The following DPP8 variants were observed in gnomAD, a reference collection of about 807,000 sequenced individuals.
DPP8 encodes DPP VIII.
In DPP8, 31 loss-of-function variants were observed where a neutral mutation model predicts 107.5. That is an observed-to-expected ratio of 0.29 (90% confidence interval 0.22 to 0.39). The LOEUF (loss-of-function observed/expected upper bound fraction) is 0.39. Ranked by LOEUF, DPP8 falls within the 10% of genes least tolerant of loss-of-function variation. DPP8 has a pLI of 1.00. For missense variants in DPP8, 842 were observed against 1,076.1 expected, an observed-to-expected ratio of 0.78 and a Z score of 3.04; for synonymous variants, 381 against 356.6, an observed-to-expected ratio of 1.07 and a Z score of -0.77.
Position 65,445,257 on chromosome 15 carries a change from C to G in DPP8, c.*1627G>C, listed in dbSNP as rs1227299849. On this transcript the variant is annotated 3_prime_UTR_variant, in exon 20 of 20. Coordinates refer to ENST00000300141, the MANE Select transcript of DPP8 (RefSeq NM_130434.5). ...GAGGCTGTGCTCTCTATGGGGAAAT[C>G]TACTCTCTCTGTAGTGATGAGAAAG... 1 of 152,158 alleles carries G rather than the reference C, an allele frequency of 6.6e-6. No homozygotes were observed. Among genetic ancestry groups the G allele is most frequent in the Admixed American group, 6.5e-5 (1 of 15,272 alleles). 9.4% of individuals were successfully genotyped at this position (152,158 alleles called of 1,614,324 possible). A position where few individuals can be genotyped will look rare whatever the true frequency, so the allele number is the denominator to read the frequency against.
intron 5 of DPP8, 98 bp downstream of exon 5, chr15:65,497,766 G>A: frequency 1.0e-6 from 1 of 959,860 alleles, no homozygotes; most frequent in Non-Finnish European, 1.5e-6. Flanking sequence ...CAAATATAAA[G>A]ATCACCCAAC....
chr15:65,481,821 G>C (rs1299988112), intron 8 of DPP8, among the ~76,000 whole-genome samples: 2 of 151,996 alleles, frequency 1.3e-5, no homozygotes, highest in African/African-American at 2.4e-5. Flanking sequence ...AAAGTTATAA[G>C]CACTTTTAAC....
rs113358102 is a variant in DPP8, at chr15:65,514,173, GC to G, written c.-11-1610del. ...CCAAAGAACTGAATGAAGTGTGTGT[GC>G]AGCTTATTTTGTCTTTTTTCATGCT... On this transcript the variant is annotated intron_variant, in intron 1 of 19. Coordinates refer to ENST00000300141, the MANE Select transcript of DPP8 (RefSeq NM_130434.5). Among the ~76,000 whole-genome samples the G allele has an allele frequency of 2.7e-3, 404 of 152,292 alleles. 1 individual carries two copies. Among genetic ancestry groups the G allele is most frequent in the African/African-American group, 8.9e-3 (368 of 41,574 alleles).
At chr15:65,505,965 A>AG (rs61298948) in intron 3 of DPP8, among the ~76,000 whole-genome samples, 9 of 150,514 alleles carry the variant, frequency 6.0e-5, no homozygotes, top group Non-Finnish European at 1.3e-4. Context: ...AAAAAAAAAA[A>AG]GATTAGTTGT....
intron 7 of DPP8, among the ~76,000 whole-genome samples, chr15:65,485,561 A>AG (rs1266328551): frequency 6.6e-6 from 1 of 151,064 alleles, no homozygotes; most frequent in Non-Finnish European, 1.5e-5. Context: ...AAAAAAAAAA[A>AG]AAAGAAAAGA....
At chr15:65,483,312 CCCAGGAGTGCAAGA>C (rs1240794522) in intron 8 of DPP8, among the ~76,000 whole-genome samples, 2 of 151,772 alleles carry the variant, frequency 1.3e-5, no homozygotes, top group African/African-American at 4.8e-5. Flanking sequence ...ATCACTTGGG[CCCAGGAGTGCAAGA>C]CCAGCCTGGG....
rs759709154 is a variant in DPP8, at chr15:65,466,831, A to G, written c.1690-18T>C. On this transcript the variant is annotated intron_variant, in intron 13 of 19. Transcript: ENST00000300141. ...TCACAGTGCTAGAGAAAGGAGAAAC[A>G]ATTATATTTTTCGTCAGGAAGGTAG... 8 of 1,602,552 alleles carry G rather than the reference A, an allele frequency of 5.0e-6. No homozygotes were observed. Among genetic ancestry groups the G allele is most frequent in the South Asian group, 1.1e-5 (1 of 89,246 alleles).
intron 19 of DPP8, among the ~76,000 whole-genome samples, chr15:65,448,690 A>ATAT (rs1491284648): frequency 1.9e-4 from 21 of 112,090 alleles, no homozygotes; most frequent in African/African-American, 7.1e-4. Flanking sequence ...AAAAAAAAAA[A>ATAT]ATATATATAT....
chr15:65,466,931 C>T, intron 13 of DPP8, 118 bp from the exon 14 acceptor site: 1 of 1,406,846 alleles, frequency 7.1e-7, no homozygotes, highest in Non-Finnish European at 9.7e-7. Flanking sequence ...TGTACATATA[C>T]AATGTTGAAA....
At chr15:65,510,831 G>A (rs138133203) in intron 2 of DPP8, among the ~76,000 whole-genome samples, 53 of 152,210 alleles carry the variant, frequency 3.5e-4, no homozygotes, top group African/African-American at 1.1e-3. Flanking sequence ...GTGCCACTGC[G>A]CCCAGCCACA....
At chr15:65,499,070 A>AGTGTGTGTGTGTGTGTGTGTGT (rs56047613) in intron 4 of DPP8, among the ~76,000 whole-genome samples, 17 of 129,758 alleles carry the variant, frequency 1.3e-4, no homozygotes, top group African/African-American at 5.3e-4. Context: ...CCAAAAAAAA[A>AGTGTGTGTGTGTGTGTGTGTGT]GTGTGTGTGT....
chr15:65,510,321 T>C (rs2070602616), intron 2 of DPP8, among the ~76,000 whole-genome samples: 1 of 151,802 alleles, frequency 6.6e-6, no homozygotes, highest in African/African-American at 2.4e-5. Context: ...CAAAAAATAA[T>C]AATAATTAAT....
chr15:65,448,789 CAT>C (rs1184801621), intron 19 of DPP8, among the ~76,000 whole-genome samples: 3 of 123,504 alleles, frequency 2.4e-5, no homozygotes, highest in South Asian at 2.5e-4. Flanking sequence ...CTAAAATATA[CAT>C]ATATAATATA....
At chr15:65,504,068 A>T (rs527464364) in intron 3 of DPP8, among the ~76,000 whole-genome samples, 47 of 151,766 alleles carry the variant, frequency 3.1e-4, no homozygotes, top group African/African-American at 7.2e-4. Context: ...GGCCCTTTTT[A>T]AAAAAAATTG....
chr15:65,463,978 C>G (rs990297065), intron 14 of DPP8, 72 bp from the exon 15 acceptor site: 1 of 1,236,328 alleles, frequency 8.1e-7, no homozygotes, highest in Non-Finnish European at 1.1e-6. Context: ...GAACAAGAAA[C>G]AAGATATTAA....
At chr15:65,467,881 T>C (rs2065498066) in intron 12 of DPP8, among the ~76,000 whole-genome samples, 1 of 152,216 alleles carries the variant, frequency 6.6e-6, no homozygotes, top group Non-Finnish European at 1.5e-5. Flanking sequence ...TACTTGAAAG[T>C]CTAATTTTAC....
intron 3 of DPP8, among the ~76,000 whole-genome samples, chr15:65,501,000 T>A (rs1013708152): frequency 6.6e-6 from 1 of 151,384 alleles, no homozygotes; most frequent in Admixed American, 6.6e-5. Flanking sequence ...GCCTCAGCCT[T>A]CCTAGTAGCT....
intron 7 of DPP8, among the ~76,000 whole-genome samples, 164 bp from the exon 8 acceptor site, chr15:65,485,324 AC>A (rs1248328775): frequency 6.6e-6 from 1 of 151,898 alleles, no homozygotes; most frequent in Non-Finnish European, 1.5e-5. Context: ...CAGGTGGATC[AC>A]CTGAGGTCAG....
At chr15:65,449,955 G>GTTT (rs1298339498) in intron 19 of DPP8, among the ~76,000 whole-genome samples, 130 of 114,546 alleles carry the variant, frequency 1.1e-3, no homozygotes, top group African/African-American at 3.8e-3. Flanking sequence ...ACATGTAATA[G>GTTT]TTTATTATTA....
Sources: allele counts gnomAD v4.1 joint callset (sites outside exome capture counted in the v4.1 genomes callset), GRCh38; gene constraint gnomAD v4.1.1; transcripts MANE v1.5; gene names NCBI Gene and HGNC (gene_info 2026-07-23, HGNC 2026-07-21).